The following SNX16 variants were observed in gnomAD, a reference collection of about 807,000 sequenced individuals.
The protein encoded by SNX16 is sorting nexin 16, also known as sorting nexin-16.
SNX16 carries 35 observed loss-of-function variants against 36.7 expected under a neutral mutation model. The ratio of observed to expected loss-of-function variants is 0.95; its 90% CI spans 0.73 to 1.27. The LOEUF (loss-of-function observed/expected upper bound fraction) is 1.27. SNX16 is among the 50% of genes most tolerant of loss of function. The probability of loss-of-function intolerance (pLI) is 0.00; values close to 1 mark genes in which losing one functional copy is unlikely to be tolerated. For missense variants in SNX16, 367 were observed against 393.6 expected, an observed-to-expected ratio of 0.93 and a Z score of 0.57; for synonymous variants, 134 against 132.0, an observed-to-expected ratio of 1.02 and a Z score of -0.10.
intron 4 of SNX16, among the ~76,000 whole-genome samples, chr8:81,819,285 T>C (rs1810629225): frequency 6.6e-6 from 1 of 152,074 alleles, no homozygotes; most frequent in African/African-American, 2.4e-5. Flanking sequence ...TAAAAGTAGT[T>C]CAAGACACTG....
At chr8:81,834,374 C>T (rs528070440) in intron 2 of SNX16, among the ~76,000 whole-genome samples, 35 of 152,268 alleles carry the variant, frequency 2.3e-4, no homozygotes, top group African/African-American at 8.2e-4. Context: ...TCATTCCACC[C>T]CTGGCCCCTC....
intron 5 of SNX16, among the ~76,000 whole-genome samples, chr8:81,805,442 GA>G (rs1172062978): frequency 6.6e-6 from 1 of 152,064 alleles, no homozygotes; most frequent in East Asian, 1.9e-4. Context: ...CCAAGTATAA[GA>G]AAGGAATTAA....
At chr8:81,823,730 T>C in intron 4 of SNX16, 62 bp downstream of exon 4, 1 of 1,403,534 alleles carries the variant, frequency 7.1e-7, no homozygotes. Context: ...ATAGATTTAT[T>C]CTTTAATTTA....
In SNX16 at chr8:81,802,443, T is replaced by C. The variant is rs137871765; in HGVS notation, c.875A>G (p.Gln292Arg). The change falls in exon 7 of 8, where the codon CAG becomes CGG. Residue 292 changes from glutamine (Q) to arginine (R), a missense_variant. Gln to Arg is a conservative substitution (Grantham distance 43). Coordinates refer to ENST00000345957, the MANE Select transcript of SNX16 (RefSeq NM_152836.3). ...SLDVSETEGE[Q>R]ILKVESSALE... is the part of the protein sequence containing the mutation. Reference sequence around the variant, plus strand: ...TGCAGAGGACTCCACCTTTAGGATCTGTTCACCTTCTGTTTCTGACACATC... The same window carrying C: ...TGCAGAGGACTCCACCTTTAGGATCCGTTCACCTTCTGTTTCTGACACATC... 2 of 1,610,840 alleles carry C rather than the reference T, an allele frequency of 1.2e-6. No individual in the cohort carries two copies. Among genetic ancestry groups the C allele is most frequent in the Non-Finnish European group, 1.7e-6 (2 of 1,177,824 alleles).
At chr8:81,840,146 G>C in intron 1 of SNX16, 64 bp from the exon 2 acceptor site, 4 of 772,758 alleles carry the variant, frequency 5.2e-6, no homozygotes, top group Non-Finnish European at 7.9e-6. Flanking sequence ...CAAAAGAAAA[G>C]TATTCTTTTC....
chr8:81,814,966 T>C (rs774475), intron 5 of SNX16: 62,314 of 154,560 alleles, frequency 0.4, 13,316 homozygotes, highest in African/African-American at 0.49. Context: ...AATTTGATTT[T>C]AGCTGTACAT....
rs775376195 is a variant in SNX16, at chr8:81,801,619, A to G, written c.939-26T>C. 44 of 1,328,900 alleles carry G rather than the reference A, an allele frequency of 3.3e-5. 2 individuals carry two copies. The South Asian group carries it at 5.3e-4, about 16-fold the overall frequency. The allele number at this position is 1,328,900 out of a possible 1,614,324, so 82.3% of individuals were successfully genotyped here. On this transcript the variant is annotated intron_variant, in intron 7 of 7. Coordinates refer to ENST00000345957, the MANE Select transcript of SNX16 (RefSeq NM_152836.3). ...CTGCAAAAAAAAAAAAAAAAGGAACATATCAATGATGGGACTGGATGCATG... is the reference window on the plus strand; with the variant it reads ...CTGCAAAAAAAAAAAAAAAAGGAACGTATCAATGATGGGACTGGATGCATG...
At chr8:81,802,232 C>A in intron 7 of SNX16, 148 bp downstream of exon 7, 1 of 515,284 alleles carries the variant, frequency 1.9e-6, no homozygotes, top group South Asian at 6.6e-5. Flanking sequence ...TAGGAAAAGC[C>A]TAAAATATTT....
intron 2 of SNX16, 133 bp downstream of exon 2, chr8:81,839,479 G>A (rs1811638028): frequency 1.1e-6 from 1 of 934,862 alleles, no homozygotes; most frequent in Middle Eastern, 3.5e-4. Context: ...AGAATTCAGT[G>A]GTGTAAAAAC....
rs1211920341 is a variant in SNX16, at chr8:81,803,205, C to T, written c.705G>A (p.Glu235=). 3 of 1,608,458 alleles carry T rather than the reference C, an allele frequency of 1.9e-6. No homozygotes were observed. Among genetic ancestry groups the T allele is most frequent in the East Asian group, 4.5e-5 (2 of 44,636 alleles). The change falls in exon 6 of 8, where the codon GAG becomes GAA. Residue 235 remains glutamate, a synonymous_variant. Coordinates refer to ENST00000345957, the MANE Select transcript of SNX16 (RefSeq NM_152836.3). ...GTTCTTTCTGTAAGCGGTAGTTTGT[C>T]TCTTCTAAAGTTTCACAGAATGCCT... ...ESRAFCETLE[E]TNYRLQKELL... is the part of the protein sequence containing the mutation.
chr8:81,839,773 G>T lies in SNX16; in HGVS notation c.214C>A (p.Leu72Ile). ...DNTSSVCSSP[L>I]IRTKFTGTAS... is the part of the protein sequence containing the mutation. Reference sequence around the variant, plus strand: ...GTACCTGTAAATTTAGTCCTAATGAGGGGACTGCTACAGACAGATGAAGTA... The same window carrying T: ...GTACCTGTAAATTTAGTCCTAATGATGGGACTGCTACAGACAGATGAAGTA... Residue 72 changes from leucine to isoleucine, a missense_variant, in exon 2 of 8, where the codon CTC becomes ATC. Physicochemically the swap from Leu to Ile is conservative, Grantham distance 5. Transcript: ENST00000345957. 1 of 1,613,692 alleles carries T rather than the reference G, an allele frequency of 6.2e-7. No homozygotes were observed. The highest frequency in any genetic ancestry group is 8.5e-7 in the Non-Finnish European group (1 of 1,179,618).
At position 81,801,549 on chromosome 8, in the gene SNX16, G is replaced by A; in HGVS notation, c.983C>T (p.Ala328Val). ...PCLSFSEPEN[A>V]VSEIEVAEVA... The stretch of plus-strand genomic sequence containing the variant: ...TTCTGCTACTTCTATCTCTGATACA[G>A]CATTTTCAGGTTCACTAAAACTTAA... Residue 328 changes from alanine to valine, a missense_variant, in exon 8 of 8, where the codon GCT (alanine) becomes GTT (valine). Transcript: ENST00000345957. The A allele has an allele frequency of 6.3e-7, 1 of 1,584,942 alleles. No homozygotes were observed. The highest frequency in any genetic ancestry group is 1.4e-5 in the African/African-American group (1 of 72,148).
intron 4 of SNX16, among the ~76,000 whole-genome samples, chr8:81,817,890 T>G (rs1810564546): frequency 6.6e-6 from 1 of 152,154 alleles, no homozygotes; most frequent in Admixed American, 6.5e-5. Context: ...GTGCCATTAT[T>G]CCTTTTATTA....
At chr8:81,825,979 A>C (rs567715425) in intron 3 of SNX16, among the ~76,000 whole-genome samples, 1 of 152,094 alleles carries the variant, frequency 6.6e-6, no homozygotes, top group Non-Finnish European at 1.5e-5. Context: ...TTTAAGCTTT[A>C]TAATTTAAAT....
chr8:81,819,618 G>GT (rs989739371), intron 4 of SNX16, among the ~76,000 whole-genome samples: 1 of 151,746 alleles, frequency 6.6e-6, no homozygotes, highest in African/African-American at 2.4e-5. Context: ...TTTCTATTCA[G>GT]TTTTTTTAAA....
chr8:81,837,009 AAC>A (rs1055191766), intron 2 of SNX16, among the ~76,000 whole-genome samples: 6 of 152,180 alleles, frequency 3.9e-5, no homozygotes, highest in Non-Finnish European at 5.9e-5. Context: ...CTGTGTTGAA[AAC>A]ACATTCTCAT....
In SNX16 at chr8:81,801,597, C is replaced by CAA. The variant is rs33964984; in HGVS notation, c.939-6_939-5dup. On this transcript the variant is annotated splice_region_variant and splice_polypyrimidine_tract_variant and intron_variant, in intron 7 of 7. Transcript: ENST00000345957. The stretch of plus-strand genomic sequence containing the variant: ...TAAGCATGGTTTATTATCAGCTCTG[C>CAA]AAAAAAAAAAAAAAAAGGAACATAT... 57,412 of 1,041,804 alleles carry CAA rather than the reference C, an allele frequency of 0.055. 606 individuals are homozygous for CAA. Among genetic ancestry groups the CAA allele is most frequent in the Admixed American group, 0.11 (2,998 of 27,210 alleles). 64.5% of individuals were successfully genotyped at this position (1,041,804 alleles called of 1,614,324 possible).
rs1250580392 is a variant in SNX16 at position 81,839,612 on chromosome 8, A to T, written c.375T>A (p.Thr125=). The T allele has an allele frequency of 1.2e-6, 2 of 1,606,774 alleles. No homozygotes were observed. The highest frequency in any genetic ancestry group is 1.7e-5 in the Admixed American group (1 of 59,300). ...YEVMEERAKF[T]VYKILVKKTP... ...TTATACAGCAGAAGTCAATACTTAC[A>T]GTAAATTTAGCTCTTTCTTCCATCA... Residue 125 remains threonine (T), a splice_region_variant and synonymous_variant, in exon 2 of 8, where the codon ACT becomes ACA. Coordinates refer to ENST00000345957, the MANE Select transcript of SNX16 (RefSeq NM_152836.3).
At chr8:81,825,025 C>T (rs575831760) in intron 3 of SNX16, among the ~76,000 whole-genome samples, 1 of 152,132 alleles carries the variant, frequency 6.6e-6, no homozygotes, top group Non-Finnish European at 1.5e-5. Flanking sequence ...ACTTTTCTTG[C>T]AGCATGGAGG....
Sources: gnomAD v4.1 joint callset for allele counts (sites outside exome capture counted in the v4.1 genomes callset) on GRCh38, gnomAD v4.1.1 for gene constraint, MANE v1.5 for transcripts, NCBI Gene and HGNC (gene_info 2026-07-23, HGNC 2026-07-21) for gene names.